Variants in MARCHF11 observed in about 807,000 individuals in gnomAD.
The protein encoded by MARCHF11 is E3 ubiquitin-protein ligase MARCHF11.
A neutral mutation model predicts 37.3 loss-of-function variants in MARCHF11; 29 were observed. The observed-to-expected ratio is 0.78, with a 90% CI of 0.58 to 1.06. MARCHF11 has a LOEUF of 1.06. MARCHF11 is among the 50% of genes least tolerant of loss of function. The probability of loss-of-function intolerance (pLI) is 0.00; values close to 1 mark genes in which losing one functional copy is unlikely to be tolerated. For synonymous variants in MARCHF11, 233 were observed against 228.0 expected, an observed-to-expected ratio of 1.02 and a Z score of -0.20; for missense variants, 482 against 533.4, an observed-to-expected ratio of 0.90 and a Z score of 0.95.
chr5:16,072,150 C>T (rs571216883), intron 3 of MARCHF11, among the ~76,000 whole-genome samples: 1 of 152,208 alleles, frequency 6.6e-6, no homozygotes, highest in South Asian at 2.1e-4. Context: ...TGAGAAAATT[C>T]AGACCTAGAG....
At chr5:16,133,784 T>C (rs1737561254) in intron 2 of MARCHF11, among the ~76,000 whole-genome samples, 1 of 151,472 alleles carries the variant, frequency 6.6e-6, no homozygotes, top group African/African-American at 2.4e-5. Flanking sequence ...ACACTAACAC[T>C]AATGACAGCT....
chr5:16,094,990 G>A (rs762219679), intron 2 of MARCHF11, among the ~76,000 whole-genome samples: 7 of 152,054 alleles, frequency 4.6e-5, no homozygotes, highest in Admixed American at 1.3e-4. Context: ...GTTAAACAAC[G>A]TGCCCAAGGT....
chr5:16,074,094 A>C (rs563867900), intron 3 of MARCHF11, among the ~76,000 whole-genome samples: 68 of 152,228 alleles, frequency 4.5e-4, no homozygotes, highest in Admixed American at 3.9e-3. Context: ...TCAACTCCAA[A>C]AGGAATACTC....
chr5:16,125,084 T>C (rs1737379733), intron 2 of MARCHF11, among the ~76,000 whole-genome samples: 1 of 151,524 alleles, frequency 6.6e-6, no homozygotes, highest in South Asian at 2.1e-4. Flanking sequence ...TTCGCAAGAA[T>C]ATTTTTCAGA....
At chr5:16,118,508 A>C (rs1232310130) in intron 2 of MARCHF11, among the ~76,000 whole-genome samples, 1 of 152,258 alleles carries the variant, frequency 6.6e-6, no homozygotes, top group African/African-American at 2.4e-5. Context: ...GAAGGTTTCA[A>C]GAAAAAGACC....
At chr5:16,126,524 A>G (rs1256738329) in intron 2 of MARCHF11, among the ~76,000 whole-genome samples, 4 of 152,250 alleles carry the variant, frequency 2.6e-5, no homozygotes, top group Admixed American at 2.6e-4. Context: ...TCTCATTGTT[A>G]TAACAGCTAC....
At position 16,084,787 on chromosome 5, in the gene MARCHF11, G is replaced by A. The variant is rs374753743; in HGVS notation, c.886+6102C>T. On this transcript the variant is annotated intron_variant, in intron 3 of 3. Transcript: ENST00000332432. ...TTTTTTTTTAGTATTAAATATAACT[G>A]GTACAATAAGAAGATATTTTTATCT... Among the ~76,000 whole-genome samples the A allele has an allele frequency of 3.4e-4, 51 of 149,314 alleles. 2 individuals are homozygous for A. The highest frequency in any genetic ancestry group is 1.2e-3 in the African/African-American group (51 of 40,874).
At position 16,169,200 on chromosome 5, in the gene MARCHF11, C is replaced by T. The variant is rs1037568751; in HGVS notation, c.693+8526G>A. Among the ~76,000 whole-genome samples the T allele has an allele frequency of 5.9e-5, 9 of 152,048 alleles. No homozygotes were observed. In the East Asian group the frequency reaches 1.7e-3, roughly 30 times the overall value. On this transcript the variant is annotated intron_variant, in intron 2 of 3. Coordinates refer to ENST00000332432, the MANE Select transcript of MARCHF11 (RefSeq NM_001102562.3). ...GATGAAATCTTGGACAATCACAAGA[C>T]CATATCAAACAAAGGAGTGCCAGGA...
At chr5:16,075,844 G>GA (rs1212375646) in intron 3 of MARCHF11, among the ~76,000 whole-genome samples, 5 of 152,122 alleles carry the variant, frequency 3.3e-5, no homozygotes, top group Admixed American at 6.5e-5. Context: ...GTGGTGAGGG[G>GA]AACATATGGG....
chr5:16,173,692 C>T (rs1322897280), intron 2 of MARCHF11, among the ~76,000 whole-genome samples: 1 of 152,096 alleles, frequency 6.6e-6, no homozygotes, highest in Non-Finnish European at 1.5e-5. Context: ...TTTGGTGACA[C>T]AATGAGAAAT....
At chr5:16,147,948 C>T (rs1737826139) in intron 2 of MARCHF11, among the ~76,000 whole-genome samples, 1 of 152,136 alleles carries the variant, frequency 6.6e-6, no homozygotes, top group African/African-American at 2.4e-5. Flanking sequence ...GAAGGAGAGA[C>T]TGCTTGTTCA....
chr5:16,116,280 C>G (rs1325492426), intron 2 of MARCHF11, among the ~76,000 whole-genome samples: 1 of 152,110 alleles, frequency 6.6e-6, no homozygotes, highest in East Asian at 1.9e-4. Context: ...TCTGTGAAAT[C>G]AAACTGACCA....
At chr5:16,113,646 AAC>A (rs576484826) in intron 2 of MARCHF11, among the ~76,000 whole-genome samples, 44 of 152,312 alleles carry the variant, frequency 2.9e-4, no homozygotes, top group South Asian at 2.7e-3. Flanking sequence ...AAAAAAATGT[AAC>A]ACAGTATTTT....
At chr5:16,135,237 G>A (rs778686778) in intron 2 of MARCHF11, among the ~76,000 whole-genome samples, 1 of 152,118 alleles carries the variant, frequency 6.6e-6, no homozygotes, top group African/African-American at 2.4e-5. Flanking sequence ...AGATTCAAAA[G>A]GGGCCCCTGC....
chr5:16,094,334 G>C (rs767081074), intron 2 of MARCHF11, among the ~76,000 whole-genome samples: 1 of 152,122 alleles, frequency 6.6e-6, no homozygotes. Flanking sequence ...CATTTGCTTC[G>C]ATGATAAAAG....
chr5:16,150,809 T>C (rs907353755), intron 2 of MARCHF11, among the ~76,000 whole-genome samples: 5 of 152,060 alleles, frequency 3.3e-5, no homozygotes, highest in Admixed American at 3.3e-4. Flanking sequence ...GCTTTTATTC[T>C]ATAAGCTTCT....
intron 2 of MARCHF11, among the ~76,000 whole-genome samples, chr5:16,136,747 G>C (rs1269882996): frequency 1.3e-5 from 2 of 152,120 alleles, no homozygotes; most frequent in African/African-American, 4.8e-5. Context: ...AGCAATTTAA[G>C]TTTATTAAAA....
In MARCHF11 at chr5:16,179,186, G is replaced by C; in HGVS notation, c.390C>G (p.Arg130=). The C allele has an allele frequency of 7.4e-7, 1 of 1,349,430 alleles. No individual in the cohort carries two copies. Among genetic ancestry groups the C allele is most frequent in the Non-Finnish European group, 9.4e-7 (1 of 1,058,984 alleles). The allele number at this position is 1,349,430 out of a possible 1,614,324, so 83.6% of individuals were successfully genotyped here. ...GCTGGTCTCCGGCGCCCCGCCGCTCGCGCTCGCCGCCCGCGCCGGCCTCAG... is the reference window on the plus strand; with the variant it reads ...GCTGGTCTCCGGCGCCCCGCCGCTCCCGCTCGCCGCCCGCGCCGGCCTCAG... ...GESEAGAGGE[R]ERRGAGDQPE... is the part of the protein sequence containing the mutation. Residue 130 remains arginine (R), a synonymous_variant, in exon 1 of 4, where the codon CGC becomes CGG. Transcript: ENST00000332432.
intron 2 of MARCHF11, among the ~76,000 whole-genome samples, chr5:16,175,720 A>G (rs913835669): frequency 6.6e-6 from 1 of 152,228 alleles, no homozygotes; most frequent in African/African-American, 2.4e-5. Flanking sequence ...CCACCTATTC[A>G]CAAGGGATTG....
Sources: allele counts gnomAD v4.1 joint callset (sites outside exome capture counted in the v4.1 genomes callset), GRCh38; gene constraint gnomAD v4.1.1; transcripts MANE v1.5; gene names NCBI Gene and HGNC (gene_info 2026-07-23, HGNC 2026-07-21).